Variants in PTGIS observed in about 807,000 individuals in gnomAD.
PTGIS encodes the protein prostaglandin I2 synthase, also known as prostacyclin synthase.
PTGIS carries 45 observed loss-of-function variants against 50.3 expected under a neutral mutation model. The observed-to-expected ratio is 0.90, with a 90% confidence interval of 0.70 to 1.15. The LOEUF is 1.15. Among genes scored for constraint, PTGIS ranks in the 50% most tolerant of loss-of-function variants. The pLI is 0.00. For synonymous variants in PTGIS, 260 were observed against 267.7 expected (o/e 0.97, Z 0.28); for missense variants, 668 against 661.3 (o/e 1.01, Z -0.11).
At chr20:49,566,470 C>G (rs1982903061) in intron 1 of PTGIS, among the ~76,000 whole-genome samples, 1 of 152,210 alleles carries the variant, frequency 6.6e-6, no homozygotes, top group Admixed American at 6.5e-5. Flanking sequence ...TTCCCTGAGA[C>G]ATTTATTCAC....
rs1337257034 is a variant in PTGIS, at chr20:49,539,625, G to A, written c.618C>T (p.Thr206=). ...GGAGCAGCCGGTCGAGCTGGCGAAAGGTGTGGAAGACATCAGCTGAGTGGA... is the reference window on the plus strand; with the variant it reads ...GGAGCAGCCGGTCGAGCTGGCGAAAAGTGTGGAAGACATCAGCTGAGTGGA... ...DRVHSADVFH[T]FRQLDRLLPK... is the part of the protein sequence containing the mutation. Residue 206 remains threonine, a synonymous_variant, in exon 5 of 10, where the codon ACC becomes ACT. Transcript: ENST00000244043. 9 of 1,614,084 alleles carry A rather than the reference G, an allele frequency of 5.6e-6. No individual in the cohort carries two copies. Among genetic ancestry groups the A allele is most frequent in the Non-Finnish European group, 6.8e-6 (8 of 1,180,012 alleles).
Position 49,507,537 on chromosome 20 carries a change from G to A in PTGIS, c.*383C>T, listed in dbSNP as rs915392960. 4.5e-5 allele frequency: 16 copies of A among 354,918 alleles called. No individual in the cohort carries two copies. The highest frequency in any genetic ancestry group is 3.6e-4 in the East Asian group (5 of 13,734). 22.0% of individuals were successfully genotyped at this position (354,918 alleles called of 1,614,324 possible). ...CATCCGCTTTGACTGGATAAGGCCC[G>A]GGCCATGCTAGCTCATAAGAACTAG... On this transcript the variant is annotated 3_prime_UTR_variant, in exon 10 of 10. Coordinates refer to ENST00000244043, the MANE Select transcript of PTGIS (RefSeq NM_000961.4).
chr20:49,524,605 A>AATTT (rs1489720498), intron 5 of PTGIS, among the ~76,000 whole-genome samples: 2 of 152,270 alleles, frequency 1.3e-5, no homozygotes, highest in Admixed American at 6.5e-5. Flanking sequence ...GAGACTGGGT[A>AATTT]ATTTATTTAT....
intron 1 of PTGIS, among the ~76,000 whole-genome samples, chr20:49,564,372 C>T (rs1017098430): frequency 6.6e-6 from 1 of 152,146 alleles, no homozygotes; most frequent in Non-Finnish European, 1.5e-5. Flanking sequence ...CTGCCTCAGC[C>T]TCCTGAGTAG....
intron 6 of PTGIS, among the ~76,000 whole-genome samples, chr20:49,517,165 G>T (rs909582181): frequency 1.1e-4 from 16 of 152,228 alleles, no homozygotes; most frequent in Non-Finnish European, 1.2e-4. Flanking sequence ...GGCCCTTTCT[G>T]AGAGTTCCAC....
rs935617108 is a variant in PTGIS, at chr20:49,540,570, C to T, written c.522-849G>A. Among the ~76,000 whole-genome samples the T allele has an allele frequency of 1.3e-5, 2 of 152,008 alleles. No homozygotes were observed. Among genetic ancestry groups the T allele is most frequent in the Admixed American group, 6.5e-5 (1 of 15,276 alleles). Reference sequence around the variant, plus strand: ...GCTTGATCTGAGGGGCTCTGGGAGGCCCGAGAAGGAGGTCAGGGCCTGGTC... The same window carrying T: ...GCTTGATCTGAGGGGCTCTGGGAGGTCCGAGAAGGAGGTCAGGGCCTGGTC... On this transcript the variant is annotated intron_variant, in intron 4 of 9. Coordinates refer to ENST00000244043, the MANE Select transcript of PTGIS (RefSeq NM_000961.4). The surrounding 1 kb of genome is among the most constrained non-coding windows in gnomAD (Gnocchi z 4.8).
rs768694527 is a variant in PTGIS at position 49,513,270 on chromosome 20, G to A, written c.1025-9C>T. 3.7e-6 allele frequency: 6 copies of A among 1,612,478 alleles called. No individual in the cohort carries two copies. In the African/African-American group the frequency reaches 6.7e-5, roughly 18 times the overall value. ...CTCACTCAGCACGCTATCTGCATGG[G>A]GCAGGTGCAAGGAAGAGTCAGCGGG... On this transcript the variant is annotated splice_polypyrimidine_tract_variant and intron_variant, in intron 7 of 9. Coordinates refer to ENST00000244043, the MANE Select transcript of PTGIS (RefSeq NM_000961.4).
At chr20:49,516,401 C>T (rs1264051154) in intron 6 of PTGIS, among the ~76,000 whole-genome samples, 2 of 152,190 alleles carry the variant, frequency 1.3e-5, no homozygotes, top group East Asian at 1.9e-4. Context: ...CTTCAGCCTC[C>T]CAAGTAGCTG....
At chr20:49,510,915 T>C in intron 9 of PTGIS, 113 bp downstream of exon 9, 1 of 1,002,254 alleles carries the variant, frequency 1.0e-6, no homozygotes, top group Non-Finnish European at 1.6e-6. Flanking sequence ...GCTGTCCATG[T>C]GAAGCCTCTG....
intron 8 of PTGIS, among the ~76,000 whole-genome samples, chr20:49,511,740 C>A (rs1331794701): frequency 1.3e-5 from 2 of 152,142 alleles, no homozygotes; most frequent in Admixed American, 6.5e-5. Flanking sequence ...CAGAGCTTGG[C>A]ATGGAGTAGC....
At chr20:49,509,881 C>CTTTTTTTTTT (rs11337451) in intron 9 of PTGIS, among the ~76,000 whole-genome samples, 12 of 93,376 alleles carry the variant, frequency 1.3e-4, no homozygotes, top group Non-Finnish European at 1.8e-4. Flanking sequence ...TTCTTTCTTT[C>CTTTTTTTTTT]TTTTTTTTTT....
chr20:49,513,113 G>C lies in PTGIS; in HGVS notation c.1173C>G (p.Pro391=). ...DRLLLFPFLS[P]QRDPEIYTDP... ...CTGTGTAGATTTCTGGGTCTCTCTG[G>C]GGGCTCAGGAAGGGGAAGAGGAGGA... is the stretch of plus-strand genomic sequence containing the variant. The change falls in exon 8 of 10, where the codon CCC becomes CCG. Residue 391 remains proline, a synonymous_variant. Transcript: ENST00000244043. 6.2e-7 allele frequency: 1 copy of C among 1,609,790 alleles called. No individual in the cohort carries two copies. The highest frequency in any genetic ancestry group is 8.5e-7 in the Non-Finnish European group (1 of 1,178,306).
At chr20:49,528,648 G>A (rs1243723004) in intron 5 of PTGIS, among the ~76,000 whole-genome samples, 1 of 152,008 alleles carries the variant, frequency 6.6e-6, no homozygotes, top group Non-Finnish European at 1.5e-5. Flanking sequence ...TATATATATA[G>A]CAGTGATTGG....
chr20:49,523,870 T>C (rs939226086), intron 6 of PTGIS, among the ~76,000 whole-genome samples, 188 bp downstream of exon 6: 3 of 152,226 alleles, frequency 2.0e-5, no homozygotes, highest in Non-Finnish European at 2.9e-5. Flanking sequence ...GTTTGGGCAG[T>C]GGGTATGTGT....
In PTGIS at chr20:49,550,093, C is replaced by T. The variant is rs1357627559; in HGVS notation, c.171G>A (p.Met57Ile). 8.7e-6 allele frequency: 14 copies of T among 1,614,094 alleles called. No individual in the cohort carries two copies. The Admixed American group carries it at 1.0e-4, about 12-fold the overall frequency. The change falls in exon 2 of 10, where the codon ATG becomes ATA. Residue 57 changes from methionine to isoleucine, a missense_variant. Physicochemically the swap from Met to Ile is conservative, Grantham distance 10 (BLOSUM62 1). Transcript: ENST00000244043. ...TAAAGATGTCACCGTGCTTCTCCTTCATCCTCGTGAGGAAGCTGGCAGCAT... is the reference window on the plus strand; with the variant it reads ...TAAAGATGTCACCGTGCTTCTCCTTTATCCTCGTGAGGAAGCTGGCAGCAT... Reference protein sequence around the residue: ...GKDAASFLTRMKEKHGDIFTI... With the variant: ...GKDAASFLTRIKEKHGDIFTI...
chr20:49,518,640 A>G (rs1981559399), intron 6 of PTGIS, among the ~76,000 whole-genome samples: 1 of 149,814 alleles, frequency 6.7e-6, no homozygotes, highest in African/African-American at 2.4e-5. Flanking sequence ...TTATTTCAAG[A>G]TAAAACTACT....
chr20:49,561,330 T>C (rs1366725304), intron 1 of PTGIS, among the ~76,000 whole-genome samples: 1 of 152,126 alleles, frequency 6.6e-6, no homozygotes, highest in Non-Finnish European at 1.5e-5. Context: ...GCCTAGGAAG[T>C]GCCTCTCCCA....
intron 5 of PTGIS, among the ~76,000 whole-genome samples, chr20:49,529,980 C>A (rs1204802963): frequency 6.6e-6 from 1 of 151,888 alleles, no homozygotes; most frequent in African/African-American, 2.4e-5. Context: ...CACAGAGAAA[C>A]CCTGTCTCTA....
intron 5 of PTGIS, among the ~76,000 whole-genome samples, chr20:49,537,627 T>C (rs1040667573): frequency 5.9e-5 from 9 of 152,092 alleles, no homozygotes; most frequent in African/African-American, 2.2e-4. Context: ...TGGTGGTGCG[T>C]GCCTGTAATC....
Sources: allele counts gnomAD v4.1 joint callset (sites outside exome capture counted in the v4.1 genomes callset), GRCh38; gene constraint gnomAD v4.1.1; non-coding constraint Gnocchi (gnomAD v3.1); transcripts MANE v1.5; gene names NCBI Gene and HGNC (gene_info 2026-07-23, HGNC 2026-07-21).